Variants in B3GLCT observed in about 807,000 individuals in gnomAD.
B3GLCT encodes beta 3-glucosyltransferase.
In B3GLCT, 65 loss-of-function variants were observed where a neutral mutation model predicts 63.4. The observed-to-expected ratio is 1.03, with a 90% CI of 0.84 to 1.26. The LOEUF is 1.26. Ranked by LOEUF, B3GLCT falls within the 50% of genes most tolerant of loss-of-function variation. B3GLCT has a pLI of 0.00. For synonymous variants in B3GLCT, 233 were observed against 219.2 expected, an observed-to-expected ratio of 1.06 and a Z score of -0.55; for missense variants, 577 against 604.8, an observed-to-expected ratio of 0.95 and a Z score of 0.48.
At chr13:31,311,583 A>T (rs147674365) in intron 12 of B3GLCT, 1 of 152,394 alleles carries the variant, frequency 6.6e-6, no homozygotes, top group East Asian at 1.9e-4. Context: ...TAAATTCAGT[A>T]GCCTAGAAAT....
At chr13:31,211,084 A>G (rs1430081715) in intron 1 of B3GLCT, among the ~76,000 whole-genome samples, 1 of 152,078 alleles carries the variant, frequency 6.6e-6, no homozygotes, top group Admixed American at 6.6e-5. Flanking sequence ...TATTTAGATT[A>G]CACAAATTTA....
intron 4 of B3GLCT, among the ~76,000 whole-genome samples, chr13:31,237,136 AAAG>A (rs1015504952): frequency 6.6e-6 from 1 of 151,642 alleles, no homozygotes; most frequent in African/African-American, 2.4e-5. Flanking sequence ...AAAAAAAAAA[AAAG>A]AGAGATCCAA....
chr13:31,313,150 A>G (rs1254979787), intron 12 of B3GLCT, among the ~76,000 whole-genome samples: 1 of 152,238 alleles, frequency 6.6e-6, no homozygotes, highest in East Asian at 1.9e-4. Flanking sequence ...TATAAGACTC[A>G]TGAGTGGGGA....
chr13:31,217,780 A>T (rs527788954), intron 2 of B3GLCT, among the ~76,000 whole-genome samples: 1 of 152,048 alleles, frequency 6.6e-6, no homozygotes, highest in Non-Finnish European at 1.5e-5. Flanking sequence ...AACCTGTTCC[A>T]TTGGTCTATG....
chr13:31,311,772 C>T (rs1351615521), intron 12 of B3GLCT: 1 of 152,170 alleles, frequency 6.6e-6, no homozygotes, highest in South Asian at 2.1e-4. Context: ...AAGCCATGAG[C>T]TACATGGAGT....
At chr13:31,282,333 T>C (rs1294431665) in intron 10 of B3GLCT, among the ~76,000 whole-genome samples, 1 of 152,290 alleles carries the variant, frequency 6.6e-6, no homozygotes, top group South Asian at 2.1e-4. Context: ...CTTTAAATCC[T>C]TTATGGCTAA....
intron 6 of B3GLCT, among the ~76,000 whole-genome samples, chr13:31,256,311 T>C (rs1871735681): frequency 1.3e-5 from 2 of 152,226 alleles, no homozygotes; most frequent in East Asian, 3.9e-4. Context: ...GAAGTGGGAA[T>C]GCTTTTACAC....
intron 12 of B3GLCT, among the ~76,000 whole-genome samples, chr13:31,293,514 G>A (rs1873783945): frequency 6.6e-6 from 1 of 152,202 alleles, no homozygotes; most frequent in African/African-American, 2.4e-5. Context: ...ATTTAGGATA[G>A]TTAGCTCTTC....
intron 8 of B3GLCT, among the ~76,000 whole-genome samples, chr13:31,272,675 C>G (rs1313176638): frequency 6.6e-6 from 1 of 152,088 alleles, no homozygotes; most frequent in Non-Finnish European, 1.5e-5. Flanking sequence ...GTTTATTAAT[C>G]AATAGCCAGA....
At chr13:31,284,021 C>A (rs943365536) in intron 10 of B3GLCT, among the ~76,000 whole-genome samples, 7 of 152,162 alleles carry the variant, frequency 4.6e-5, no homozygotes, top group Non-Finnish European at 8.8e-5. Flanking sequence ...ATCTTTGAGC[C>A]TCCAAAGCCA....
intron 12 of B3GLCT, chr13:31,311,682 C>G (rs2137923888): frequency 6.6e-6 from 1 of 152,284 alleles, no homozygotes; most frequent in East Asian, 1.9e-4. Flanking sequence ...TGCATGGCAC[C>G]AGGTCGGGGA....
At chr13:31,237,323 G>A (rs1187928057) in intron 4 of B3GLCT, among the ~76,000 whole-genome samples, 1 of 151,218 alleles carries the variant, frequency 6.6e-6, no homozygotes, top group Non-Finnish European at 1.5e-5. Flanking sequence ...GAGGCAGGAG[G>A]GCTCCTTAGT....
chr13:31,228,243 C>T (rs927937739), intron 3 of B3GLCT, among the ~76,000 whole-genome samples: 6 of 152,142 alleles, frequency 3.9e-5, no homozygotes, highest in South Asian at 2.1e-4. Flanking sequence ...AACACCTAAT[C>T]CTGGCTAGGT....
intron 6 of B3GLCT, among the ~76,000 whole-genome samples, chr13:31,253,435 CA>C (rs1299561893): frequency 1.3e-5 from 2 of 150,384 alleles, no homozygotes; most frequent in Non-Finnish European, 3.0e-5. Flanking sequence ...ACTAAAAGTG[CA>C]AAAAAAATTA....
intron 4 of B3GLCT, among the ~76,000 whole-genome samples, chr13:31,236,038 T>G (rs1870630030): frequency 6.6e-6 from 1 of 152,234 alleles, no homozygotes; most frequent in South Asian, 2.1e-4. Flanking sequence ...AGACACCTAT[T>G]TCCTTGGATG....
intron 2 of B3GLCT, among the ~76,000 whole-genome samples, chr13:31,218,693 A>T (rs1869677321): frequency 6.6e-6 from 1 of 152,038 alleles, no homozygotes. Flanking sequence ...TTATTTCTTT[A>T]TCTTCTCTGA....
chr13:31,257,931 C>T (rs186878616), intron 6 of B3GLCT, among the ~76,000 whole-genome samples: 1 of 152,184 alleles, frequency 6.6e-6, no homozygotes, highest in Non-Finnish European at 1.5e-5. Flanking sequence ...CATCCCTGCC[C>T]ACAAGGAGAT....
Position 31,329,542 on chromosome 13 carries a change from A to G in B3GLCT, c.1371A>G (p.Gln457=), listed in dbSNP as rs114941150. Reference sequence around the variant, plus strand: ...ACCCTAAGGACTACCTTTCTCATCAAGTTCCCATATCGTTCCACAAACACT... The same window carrying G: ...ACCCTAAGGACTACCTTTCTCATCAGGTTCCCATATCGTTCCACAAACACT... ...VDYPKDYLSH[Q]VPISFHKHWN... is the part of the protein sequence containing the mutation. Residue 457 remains glutamine (Q), a synonymous_variant, in exon 15 of 15, where the codon CAA becomes CAG. Coordinates refer to ENST00000343307, the MANE Select transcript of B3GLCT (RefSeq NM_194318.4). 3,972 of 1,614,176 alleles carry G rather than the reference A, an allele frequency of 2.5e-3. 8 individuals are homozygous for G. Among genetic ancestry groups the G allele is most frequent in the Non-Finnish European group, 3.2e-3 (3,760 of 1,180,038 alleles).
chr13:31,328,010 G>A (rs1325544692), intron 14 of B3GLCT, among the ~76,000 whole-genome samples: 1 of 152,236 alleles, frequency 6.6e-6, no homozygotes, highest in Non-Finnish European at 1.5e-5. Flanking sequence ...GGCTTGAGCA[G>A]AGGCAGCCGG....
Sources: gnomAD v4.1 joint callset for allele counts (sites outside exome capture counted in the v4.1 genomes callset) on GRCh38, gnomAD v4.1.1 for gene constraint, MANE v1.5 for transcripts, NCBI Gene and HGNC (gene_info 2026-07-23, HGNC 2026-07-21) for gene names.